Variants in SPATA13 observed in about 807,000 individuals in gnomAD.
SPATA13 encodes the protein spermatogenesis-associated protein 13.
A neutral mutation model predicts 104.0 loss-of-function variants in SPATA13; 50 were observed. The observed-to-expected ratio is 0.48, with a 90% CI of 0.38 to 0.61. SPATA13 has a LOEUF of 0.61. SPATA13 is among the 20% of genes least tolerant of loss of function. SPATA13 has a pLI of 0.00. For missense variants in SPATA13, 1,524 were observed against 1,690.6 expected, an observed-to-expected ratio of 0.90 and a Z score of 1.73; for synonymous variants, 606 against 667.5, an observed-to-expected ratio of 0.91 and a Z score of 1.42.
At chr13:24,268,492 C>T (rs1874396309) in intron 4 of SPATA13, among the ~76,000 whole-genome samples, 1 of 152,218 alleles carries the variant, frequency 6.6e-6, no homozygotes, top group Admixed American at 6.5e-5. Context: ...GGCGCAGTGG[C>T]TCATGCCTGT....
intron 3 of SPATA13, among the ~76,000 whole-genome samples, chr13:24,037,963 T>C (rs529221984): frequency 6.6e-6 from 1 of 151,926 alleles, no homozygotes. Context: ...CCAGGCTGCA[T>C]TGCAGTGGCA....
upstream of SPATA13, among the ~76,000 whole-genome samples, chr13:24,157,858 C>G (rs1318681392): frequency 6.6e-6 from 1 of 152,184 alleles, no homozygotes; most frequent in Admixed American, 6.5e-5. Flanking sequence ...GGCTCCACTG[C>G]TCACCAGCTG....
intron 3 of SPATA13, among the ~76,000 whole-genome samples, chr13:24,076,762 G>C (rs186887395): frequency 6.6e-6 from 1 of 151,920 alleles, no homozygotes; most frequent in Non-Finnish European, 1.5e-5. Flanking sequence ...TCACTCTTAT[G>C]TAAAAGGAAG....
chr13:24,092,850 TG>T (rs1355160099), intron 3 of SPATA13, among the ~76,000 whole-genome samples: 20 of 152,218 alleles, frequency 1.3e-4, no homozygotes, highest in African/African-American at 4.6e-4. Flanking sequence ...GTGGACTTAC[TG>T]AAAAGGCTGG....
At chr13:24,158,307 C>T (rs1175965735), upstream of SPATA13, among the ~76,000 whole-genome samples, 1 of 152,146 alleles carries the variant, frequency 6.6e-6, no homozygotes, top group East Asian at 1.9e-4. Flanking sequence ...TGAGTGATGG[C>T]GGCCATGTGG....
intron 3 of SPATA13, among the ~76,000 whole-genome samples, chr13:24,144,251 C>G (rs904549692): frequency 1.3e-5 from 2 of 152,190 alleles, no homozygotes; most frequent in Non-Finnish European, 2.9e-5. Context: ...CTGTGATCCA[C>G]TCTCCCACAT....
intron 2 of SPATA13, among the ~76,000 whole-genome samples, chr13:24,237,035 T>TA (rs1474199349): frequency 6.6e-6 from 1 of 152,170 alleles, no homozygotes; most frequent in African/African-American, 2.4e-5. Flanking sequence ...AGTGTGTACA[T>TA]ATACTGCGGA....
At chr13:24,293,577 T>C (rs1246903059) in intron 9 of SPATA13, among the ~76,000 whole-genome samples, 1 of 152,252 alleles carries the variant, frequency 6.6e-6, no homozygotes. Flanking sequence ...AAAGTCCATT[T>C]CCTTGTCTTA....
At chr13:24,039,342 G>A (rs1030990375) in intron 3 of SPATA13, among the ~76,000 whole-genome samples, 1 of 152,214 alleles carries the variant, frequency 6.6e-6, no homozygotes, top group African/African-American at 2.4e-5. Flanking sequence ...TTCGTGGCAG[G>A]AAGAAAGCCT....
In SPATA13 at chr13:24,208,630, G is replaced by A. The variant is rs182542413; in HGVS notation, c.-111-14189G>A. ...CAGATAGGTGTCACCTTCTTGTCCA[G>A]AGGGTTCCCAGACATTCTCAGTTCA... On this transcript the variant is annotated intron_variant, in intron 1 of 12. Transcript: ENST00000382108. Among the ~76,000 whole-genome samples the A allele has an allele frequency of 7.4e-3, 1,122 of 152,218 alleles. 5 individuals are homozygous for A. Among genetic ancestry groups the A allele is most frequent in the Middle Eastern group, 0.014 (4 of 294 alleles).
rs1593525846 is a variant in SPATA13, at chr13:24,305,426, G to A, written c.*2653G>A. 1 of 152,318 alleles carries A rather than the reference G, an allele frequency of 6.6e-6. No individual in the cohort carries two copies. The highest frequency in any genetic ancestry group is 1.5e-5 in the Non-Finnish European group (1 of 68,040). The allele number at this position is 152,318 out of a possible 1,614,324, so 9.4% of individuals were successfully genotyped here. ...TTGAAAACTGCTAACATTTTTAAAA[G>A]GCTAGAACATCCTTTGACTTCTTGA... is the stretch of plus-strand genomic sequence containing the variant. On this transcript the variant is annotated 3_prime_UTR_variant, in exon 13 of 13. Coordinates refer to ENST00000382108, the MANE Select transcript of SPATA13 (RefSeq NM_001166271.3).
At chr13:24,169,007 A>C (rs1882854905) in intron 1 of SPATA13, among the ~76,000 whole-genome samples, 1 of 152,148 alleles carries the variant, frequency 6.6e-6, no homozygotes, top group South Asian at 2.1e-4. Flanking sequence ...ATCAGATTCA[A>C]TACATTTTAC....
At chr13:24,119,198 C>T (rs60624538) in intron 3 of SPATA13, among the ~76,000 whole-genome samples, 3,100 of 152,156 alleles carry the variant, frequency 0.02, 120 homozygotes, top group African/African-American at 0.071. Context: ...TGAGCCACCG[C>T]GCCCGGCTGA....
intron 3 of SPATA13, among the ~76,000 whole-genome samples, chr13:24,116,446 G>A (rs565760382): frequency 2.6e-5 from 4 of 152,334 alleles, no homozygotes; most frequent in East Asian, 1.9e-4. Context: ...GACAGCAGCA[G>A]GTGGGGATCG....
chr13:24,078,958 CTG>C lies in SPATA13; in HGVS notation c.-112+61259_-112+61260del, dbSNP rs574578670. Among the ~76,000 whole-genome samples, 3 of 152,332 alleles carry C rather than the reference CTG, an allele frequency of 2.0e-5. No homozygotes were observed. The East Asian group carries it at 5.8e-4, about 29-fold the overall frequency. On this transcript the variant is annotated intron_variant, in intron 3 of 14. Transcript: ENST00000424834. The stretch of plus-strand genomic sequence containing the variant: ...TACCATTCAGTGGAAAAACAGACAA[CTG>C]TATCATCACCCAATATATGAAATTC...
chr13:23,994,954 T>A (rs1218045804), intron 2 of SPATA13, among the ~76,000 whole-genome samples: 1 of 152,132 alleles, frequency 6.6e-6, no homozygotes, highest in African/African-American at 2.4e-5. Context: ...CTAGGGGTGA[T>A]TTTACCTCCC....
intron 3 of SPATA13, among the ~76,000 whole-genome samples, chr13:24,118,592 C>T (rs968283125): frequency 1.2e-4 from 18 of 152,110 alleles, no homozygotes; most frequent in African/African-American, 4.3e-4. Context: ...GAATTTCTGA[C>T]CCAGTGGGTC....
chr13:24,127,120 C>T (rs1881243538), intron 3 of SPATA13, among the ~76,000 whole-genome samples: 1 of 152,102 alleles, frequency 6.6e-6, no homozygotes, highest in Non-Finnish European at 1.5e-5. Flanking sequence ...GGTAGAAATG[C>T]CAGTCAATCC....
intron 3 of SPATA13, among the ~76,000 whole-genome samples, chr13:24,096,274 G>A (rs535497920): frequency 6.6e-6 from 1 of 152,104 alleles, no homozygotes; most frequent in East Asian, 1.9e-4. Flanking sequence ...GGTTAGTGCT[G>A]TAAAGAAAAA....
Sources: gnomAD v4.1 joint callset for allele counts (sites outside exome capture counted in the v4.1 genomes callset) on GRCh38, gnomAD v4.1.1 for gene constraint, MANE v1.5 for transcripts, NCBI Gene and HGNC (gene_info 2026-07-23, HGNC 2026-07-21) for gene names.